EXPH5: variants seen among roughly 807,000 people sequenced by gnomAD.
The protein encoded by EXPH5 is exophilin 5, also known as exophilin-5.
In EXPH5, 42 loss-of-function variants were observed where a neutral mutation model predicts 41.1. The observed-to-expected ratio is 1.02, with a 90% CI of 0.80 to 1.32. EXPH5 has a LOEUF of 1.32. Among genes scored for constraint, EXPH5 ranks in the 40% most tolerant of loss-of-function variants. EXPH5 has a pLI of 0.00. For missense variants in EXPH5, 2,298 were observed against 2,314.5 expected, an observed-to-expected ratio of 0.99 and a Z score of 0.15; for synonymous variants, 798 against 833.5, an observed-to-expected ratio of 0.96 and a Z score of 0.73.
chr11:108,514,545 A>T lies in EXPH5; in HGVS notation c.962T>A (p.Leu321Gln), dbSNP rs2093710009. Residue 321 changes from leucine to glutamine, a missense_variant, in exon 6 of 6, where the codon CTG (leucine) becomes CAG (glutamine). Transcript: ENST00000265843. ...VQKNTFGSTS[L>Q]CFDSRQRSAL... ...CGACCGTTGCCTGCTGTCAAAACACAGCGAAGTACTGCCAAAAGTATTCTT... is the reference window on the plus strand; with the variant it reads ...CGACCGTTGCCTGCTGTCAAAACACTGCGAAGTACTGCCAAAAGTATTCTT... The T allele has an allele frequency of 1.1e-5, 18 of 1,613,832 alleles. No individual in the cohort carries two copies. The highest frequency in any genetic ancestry group is 1.5e-5 in the Non-Finnish European group (18 of 1,179,932).
At chr11:108,518,110 A>C in intron 5 of EXPH5, 125 bp downstream of exon 5, 2 of 806,834 alleles carry the variant, frequency 2.5e-6, no homozygotes, top group Non-Finnish European at 3.9e-6. Flanking sequence ...AAATAAGCTA[A>C]ACATGAGGAT....
chr11:108,554,112 G>A lies in EXPH5; in HGVS notation c.120-12300C>T, dbSNP rs191965189. On this transcript the variant is annotated intron_variant, in intron 1 of 5. Coordinates refer to ENST00000265843, the MANE Select transcript of EXPH5 (RefSeq NM_015065.3). ...AGGGTCTTGCTCTGTTGCACAGGCT[G>A]GAGTGCAGTGGTGTGATCTCAGCTC... Among the ~76,000 whole-genome samples the A allele has an allele frequency of 3.4e-3, 517 of 149,856 alleles. 1 individual carries two copies. The highest frequency in any genetic ancestry group is 0.021 in the Middle Eastern group (6 of 292).
the EXPH5 span, among the ~76,000 whole-genome samples, chr11:108,600,442 GA>G: frequency 7.1e-3 from 1,077 of 150,962 alleles, 16 homozygotes; most frequent in African/African-American, 0.023. Flanking sequence ...TTTTAAACTA[GA>G]AAAAAAAATG....
At chr11:108,595,354 G>A (rs1022843819), upstream of EXPH5, among the ~76,000 whole-genome samples, 15 of 152,188 alleles carry the variant, frequency 9.9e-5, no homozygotes, top group East Asian at 1.9e-4. Context: ...GAGAGGATAC[G>A]GTATTTAGGT....
intron 1 of EXPH5, among the ~76,000 whole-genome samples, chr11:108,565,602 A>G (rs1434209954): frequency 6.6e-6 from 1 of 152,194 alleles, no homozygotes; most frequent in Non-Finnish European, 1.5e-5. Context: ...TTGCCCTGGG[A>G]ATTGGCATGG....
At chr11:108,587,681 C>T (rs530104255) in intron 1 of EXPH5, among the ~76,000 whole-genome samples, 9 of 152,256 alleles carry the variant, frequency 5.9e-5, no homozygotes, top group Admixed American at 3.3e-4. Flanking sequence ...ACCTTCGTAA[C>T]GGACATTTAT....
At chr11:108,548,788 GC>G (rs1469084387) in intron 1 of EXPH5, among the ~76,000 whole-genome samples, 1 of 152,072 alleles carries the variant, frequency 6.6e-6, no homozygotes, top group African/African-American at 2.4e-5. Context: ...ACTAAAAGGA[GC>G]AAAACAATTA....
chr11:108,570,225 T>C (rs1374167993), intron 1 of EXPH5, among the ~76,000 whole-genome samples: 1 of 72,160 alleles, frequency 1.4e-5, no homozygotes, highest in Non-Finnish European at 2.8e-5. Context: ...ATAGCATTTT[T>C]AATTTTTATT....
chr11:108,550,773 C>G (rs565146553), intron 1 of EXPH5, among the ~76,000 whole-genome samples: 10 of 151,158 alleles, frequency 6.6e-5, no homozygotes, highest in Non-Finnish European at 1.3e-4. Flanking sequence ...AGTGAGACTT[C>G]GTCTCAAAAA....
At chr11:108,591,012 T>C (rs2094126219) in intron 1 of EXPH5, among the ~76,000 whole-genome samples, 7 of 152,172 alleles carry the variant, frequency 4.6e-5, no homozygotes, top group South Asian at 4.2e-4. Context: ...AAGCCTATCA[T>C]AGATATAAAT....
Position 108,509,471 on chromosome 11 carries a change from A to C in EXPH5, c.*66T>G. The C allele has an allele frequency of 1.4e-6, 2 of 1,406,852 alleles. No individual in the cohort carries two copies. The highest frequency in any genetic ancestry group is 2.9e-5 in the South Asian group (2 of 68,774). The allele number at this position is 1,406,852 out of a possible 1,614,324, so 87.1% of individuals were successfully genotyped here. On this transcript the variant is annotated 3_prime_UTR_variant, in exon 6 of 6. Coordinates refer to ENST00000265843, the MANE Select transcript of EXPH5 (RefSeq NM_015065.3). ...ATCTTTTATCCTTCCATGCACATGC[A>C]CATGTACACCTTAGTTCCATTATAA...
In EXPH5 at chr11:108,568,770, T is replaced by C. The variant is rs1591748769; in HGVS notation, c.119+24648A>G. ...CATATGAGCTCTCCTTTCTCCTTCC[T>C]CCTGCAGCCAGTCAGCCACCAAGCC... On this transcript the variant is annotated intron_variant, in intron 1 of 5. Coordinates refer to ENST00000265843, the MANE Select transcript of EXPH5 (RefSeq NM_015065.3). Among the ~76,000 whole-genome samples, 3 of 152,138 alleles carry C rather than the reference T, an allele frequency of 2.0e-5. No individual in the cohort carries two copies. The South Asian group carries it at 6.2e-4, about 31-fold the overall frequency.
At chr11:108,521,066 C>T (rs2093762107) in intron 4 of EXPH5, among the ~76,000 whole-genome samples, 1 of 152,166 alleles carries the variant, frequency 6.6e-6, no homozygotes, top group Non-Finnish European at 1.5e-5. Flanking sequence ...TTAGCTCATC[C>T]TGCACTCATC....
At chr11:108,603,124 G>T in the EXPH5 span, among the ~76,000 whole-genome samples, 1 of 152,134 alleles carries the variant, frequency 6.6e-6, no homozygotes, top group Non-Finnish European at 1.5e-5. Flanking sequence ...ACGATTGTGA[G>T]TTTCCTGAGG....
At chr11:108,543,870 T>C (rs2093925471) in intron 1 of EXPH5, among the ~76,000 whole-genome samples, 1 of 152,212 alleles carries the variant, frequency 6.6e-6, no homozygotes, top group Admixed American at 6.5e-5. Context: ...GTGGTACTCC[T>C]GTCTTTGTTG....
In EXPH5 at chr11:108,509,739, T is replaced by C. The variant is rs1273886994; in HGVS notation, c.5768A>G (p.Lys1923Arg). The change falls in exon 6 of 6, where the codon AAA becomes AGA. Residue 1923 changes from lysine (K) to arginine (R), a missense_variant. Physicochemically the swap from Lys to Arg is conservative, Grantham distance 26 (BLOSUM62 2). Transcript: ENST00000265843. Reference protein sequence around the residue: ...PSFLKNPGFLKDDLRNPPNPS... With the variant: ...PSFLKNPGFLRDDLRNPPNPS... ...GTTGGGAGGGTTCCTCAAATCATCT[T>C]TTAGGAAGCCAGGGTTCTTAAGAAA... The C allele has an allele frequency of 2.5e-6, 4 of 1,607,688 alleles. No individual in the cohort carries two copies.
At position 108,541,677 on chromosome 11, in the gene EXPH5, C is replaced by T. The variant is rs1449860298; in HGVS notation, c.255G>A (p.Arg85=). The change falls in exon 2 of 6, where the codon AGG becomes AGA. Residue 85 remains arginine (R), a synonymous_variant. Transcript: ENST00000265843. The part of the protein sequence containing the change: ...SQMLKQPLTY[R]LSKEMAKNDP... ...CATTTTTTGCCATCTCCTTACTTAG[C>T]CTGTATGTAAGTGGTTGTTTTAACA... 1 of 1,602,002 alleles carries T rather than the reference C, an allele frequency of 6.2e-7. No homozygotes were observed. The highest frequency in any genetic ancestry group is 1.1e-5 in the South Asian group (1 of 87,438).
the EXPH5 span, among the ~76,000 whole-genome samples, chr11:108,604,290 G>A: frequency 6.6e-6 from 1 of 151,220 alleles, no homozygotes; most frequent in South Asian, 2.1e-4. Context: ...CAGCTACTTA[G>A]GTGGCTGAGG....
Position 108,508,939 on chromosome 11 carries a change from T to TTC in EXPH5, c.*597_*598insGA, listed in dbSNP as rs2093659043. 1 of 73,204 alleles carries TTC rather than the reference T, an allele frequency of 1.4e-5. No individual in the cohort carries two copies. The highest frequency in any genetic ancestry group is 1.7e-4 in the African/African-American group (1 of 5,912). The allele number at this position is 73,204 out of a possible 1,614,324, so 4.5% of individuals were successfully genotyped here. On this transcript the variant is annotated 3_prime_UTR_variant, in exon 6 of 6. Coordinates refer to ENST00000265843, the MANE Select transcript of EXPH5 (RefSeq NM_015065.3). ...GAAGTACTTACAAAATTCCTTTATC[T>TTC]TTTTTTTTTCCTTTTTGCAATCAGT... is the stretch of plus-strand genomic sequence containing the variant.
Sources: allele counts gnomAD v4.1 joint callset (sites outside exome capture counted in the v4.1 genomes callset), GRCh38; gene constraint gnomAD v4.1.1; transcripts MANE v1.5; gene names NCBI Gene and HGNC (gene_info 2026-07-23, HGNC 2026-07-21).